ABCA5: variants seen among roughly 807,000 people sequenced by gnomAD.
ABCA5 encodes cholesterol transporter ABCA5.
A neutral mutation model predicts 206.0 loss-of-function variants in ABCA5; 163 were observed. The observed-to-expected ratio is 0.79, with a 90% CI of 0.70 to 0.90. The LOEUF (loss-of-function observed/expected upper bound fraction) is 0.90. Ranked by LOEUF, ABCA5 falls within the 40% of genes least tolerant of loss-of-function variation. The probability of loss-of-function intolerance (pLI) is 0.00; values close to 1 mark genes in which losing one functional copy is unlikely to be tolerated. For missense variants in ABCA5, 1,859 were observed against 1,912.9 expected, an observed-to-expected ratio of 0.97 and a Z score of 0.53; for synonymous variants, 609 against 613.8, an observed-to-expected ratio of 0.99 and a Z score of 0.11.
chr17:69,274,193 A>C lies in ABCA5; in HGVS notation c.2595-65T>G, dbSNP rs1407472166. The C allele has an allele frequency of 9.9e-6, 14 of 1,409,554 alleles. No individual in the cohort carries two copies. In the Admixed American group the frequency reaches 1.4e-4, roughly 15 times the overall value. The allele number at this position is 1,409,554 out of a possible 1,614,324, so 87.3% of individuals were successfully genotyped here. On this transcript the variant is annotated intron_variant, in intron 19 of 38. Coordinates refer to ENST00000392676, the MANE Select transcript of ABCA5 (RefSeq NM_172232.4). ...GGTACATTAATATGAAAATCAATTA[A>C]AACTCTCCCTTCACATTGATATGGA...
At chr17:69,319,166 GAAGA>G (rs1385290203) in intron 1 of ABCA5, among the ~76,000 whole-genome samples, 3 of 152,250 alleles carry the variant, frequency 2.0e-5, no homozygotes, top group African/African-American at 4.8e-5. Context: ...GGGAAGGAAG[GAAGA>G]AAGCTGTACT....
At chr17:69,318,883 T>C in intron 1 of ABCA5, 1 of 701,050 alleles carries the variant, frequency 1.4e-6, no homozygotes, top group East Asian at 2.7e-5. Flanking sequence ...AGATGGCAAC[T>C]AGTGGGCAAC....
In ABCA5 at chr17:69,250,490, T is replaced by A; in HGVS notation, c.4667A>T (p.Asn1556Ile). ...ATTTTACCTTTCCTGACGGCTTGCATTTGGGAAAATATACTGAATTTCTCT... is the reference window on the plus strand; with the variant it reads ...ATTTTACCTTTCCTGACGGCTTGCAATTGGGAAAATATACTGAATTTCTCT... ...LQREIQYIFP[N>I]ASRQESFSSI... The change falls in exon 36 of 39, where the codon AAT (asparagine) becomes ATT (isoleucine). Residue 1556 changes from asparagine to isoleucine, a missense_variant. By Grantham distance (149) the Asn-to-Ile change is moderately radical. Transcript: ENST00000392676. 2 of 1,608,836 alleles carry A rather than the reference T, an allele frequency of 1.2e-6. No homozygotes were observed. The highest frequency in any genetic ancestry group is 1.7e-6 in the Non-Finnish European group (2 of 1,178,290).
At position 69,301,223 on chromosome 17, in the gene ABCA5, G is replaced by T; in HGVS notation, c.1183C>A (p.Pro395Thr). Residue 395 changes from proline (P) to threonine (T), a missense_variant, in exon 9 of 39, where the codon CCT becomes ACT. Pro to Thr is a conservative substitution (Grantham distance 38). Transcript: ENST00000392676. Reference sequence around the variant, plus strand: ...AGCATGATAATTGTAATAATTAGAGGATATGGGCCTGCAGTCAAATTTGAA... The same window carrying T: ...AGCATGATAATTGTAATAATTAGAGTATATGGGCCTGCAGTCAAATTTGAA... ...SFSNLTAGPYPLIITIIMLTL... is the reference protein window; with the variant it reads ...SFSNLTAGPYTLIITIIMLTL... The T allele has an allele frequency of 6.2e-7, 1 of 1,603,326 alleles. No individual in the cohort carries two copies. The highest frequency in any genetic ancestry group is 8.5e-7 in the Non-Finnish European group (1 of 1,177,130).
chr17:69,289,355 CAAT>C, intron 13 of ABCA5, 59 bp from the exon 14 acceptor site: 1 of 1,262,990 alleles, frequency 7.9e-7, no homozygotes, highest in Non-Finnish European at 1.0e-6. Flanking sequence ...ATATAATTAT[CAAT>C]ATTACTTTTT....
At chr17:69,263,254 T>C (rs935090197) in intron 24 of ABCA5, among the ~76,000 whole-genome samples, 1 of 152,212 alleles carries the variant, frequency 6.6e-6, no homozygotes, top group Non-Finnish European at 1.5e-5. Flanking sequence ...CACTTGTCAA[T>C]TTTTATTTCT....
intron 20 of ABCA5, among the ~76,000 whole-genome samples, chr17:69,271,868 T>A (rs1233671215): frequency 1.3e-5 from 2 of 152,164 alleles, no homozygotes; most frequent in African/African-American, 4.8e-5. Context: ...TTGCCTTAAC[T>A]ACCTTAAAAT....
chr17:69,321,829 T>C (rs2075867639), intron 1 of ABCA5, among the ~76,000 whole-genome samples: 1 of 152,198 alleles, frequency 6.6e-6, no homozygotes, highest in Non-Finnish European at 1.5e-5. Flanking sequence ...AAGTTTGTTG[T>C]AGGGCTTTAA....
chr17:69,261,063 C>A, intron 26 of ABCA5, 62 bp downstream of exon 26: 1 of 1,389,948 alleles, frequency 7.2e-7, no homozygotes, highest in Admixed American at 2.5e-5. Flanking sequence ...GAACTAACAT[C>A]CCCAAATTAG....
At chr17:69,259,077 T>C (rs1363311716) in intron 28 of ABCA5, among the ~76,000 whole-genome samples, 1 of 152,054 alleles carries the variant, frequency 6.6e-6, no homozygotes, top group African/African-American at 2.4e-5. Context: ...ATCCCATTTC[T>C]AGGTATCCAC....
At chr17:69,304,584 T>C (rs903832942) in intron 7 of ABCA5, 85 bp downstream of exon 7, 3 of 1,199,302 alleles carry the variant, frequency 2.5e-6, no homozygotes, top group Non-Finnish European at 3.3e-6. Context: ...GCAAATTGAC[T>C]ATAAGTAAAC....
At chr17:69,268,579 C>G (rs1007450593) in intron 22 of ABCA5, 3 of 151,670 alleles carry the variant, frequency 2.0e-5, no homozygotes, top group African/African-American at 4.8e-5. Flanking sequence ...CCCAGGGATC[C>G]AGGTGCAGTC....
chr17:69,252,074 C>A (rs961524215), intron 34 of ABCA5, among the ~76,000 whole-genome samples: 1 of 149,438 alleles, frequency 6.7e-6, no homozygotes, highest in African/African-American at 2.4e-5. Context: ...AGAAGTGGCC[C>A]GATCTCGGCT....
intron 18 of ABCA5, among the ~76,000 whole-genome samples, chr17:69,280,494 G>C (rs369225283): frequency 6.3e-4 from 87 of 138,142 alleles, no homozygotes; most frequent in Middle Eastern, 3.6e-3. Context: ...CAGGGATCTA[G>C]AACTAGAAAT....
intron 12 of ABCA5, 95 bp downstream of exon 12, chr17:69,291,121 G>C: frequency 6.2e-6 from 4 of 644,480 alleles, no homozygotes; most frequent in Admixed American, 3.5e-5. Flanking sequence ...CACCTTTACA[G>C]ATACAGAAGT....
rs146196512 is a variant in ABCA5, at chr17:69,264,763, T to C, written c.3287A>G (p.Tyr1096Cys). ...GSLLAFHYGL[Y>C]FYTVKFLAVV... ...AGCAAGGAACTTTACAGTATAAAAA[T>C]ATAATCCATAATGAAATGCCAATAA... The change falls in exon 24 of 39, where the codon TAT becomes TGT. Residue 1096 changes from tyrosine to cysteine, a missense_variant. Coordinates refer to ENST00000392676, the MANE Select transcript of ABCA5 (RefSeq NM_172232.4). 20 of 1,581,588 alleles carry C rather than the reference T, an allele frequency of 1.3e-5. No individual in the cohort carries two copies. The African/African-American group carries it at 2.3e-4, about 18-fold the overall frequency.
intron 35 of ABCA5, 198 bp downstream of exon 35, chr17:69,251,549 A>G: frequency 1.6e-6 from 1 of 617,866 alleles, no homozygotes. Context: ...TGAAATATTA[A>G]GTGAATTCAA....
rs771693533 is a variant in ABCA5 at position 69,247,533 on chromosome 17, A to G, written c.*4T>C. 6.3e-7 allele frequency: 1 copy of G among 1,580,778 alleles called. No homozygotes were observed. ...TCCCAGTAAGCAGACCGAACAATAC[A>G]AATTCAAAATACTACTCTATCTTCT... On this transcript the variant is annotated 3_prime_UTR_variant, in exon 39 of 39. Coordinates refer to ENST00000392676, the MANE Select transcript of ABCA5 (RefSeq NM_172232.4).
At chr17:69,270,546 T>C in intron 22 of ABCA5, 67 bp downstream of exon 22, 2 of 1,378,248 alleles carry the variant, frequency 1.5e-6, no homozygotes, top group Non-Finnish European at 1.9e-6. Context: ...TATTTTTGCT[T>C]AGTTTTTAAT....
Sources: gnomAD v4.1 joint callset for allele counts (sites outside exome capture counted in the v4.1 genomes callset) on GRCh38, gnomAD v4.1.1 for gene constraint, MANE v1.5 for transcripts, NCBI Gene and HGNC (gene_info 2026-07-23, HGNC 2026-07-21) for gene names.